Variants in GPC5 observed in about 807,000 individuals in gnomAD.
GPC5 encodes glypican 5.
In GPC5, 47 loss-of-function variants were observed where a neutral mutation model predicts 53.9. That is an observed-to-expected ratio of 0.87 (90% CI 0.69 to 1.11). The LOEUF is 1.11. Among genes scored for constraint, GPC5 ranks in the 50% most tolerant of loss-of-function variants. The probability of loss-of-function intolerance (pLI) is 0.00; values close to 1 mark genes in which losing one functional copy is unlikely to be tolerated. For missense variants in GPC5, 748 were observed against 713.1 expected (o/e 1.05, Z -0.56); for synonymous variants, 286 against 263.3 (o/e 1.09, Z -0.84).
At chr13:91,891,850 C>A (rs912433551) in intron 5 of GPC5, among the ~76,000 whole-genome samples, 2 of 151,950 alleles carry the variant, frequency 1.3e-5, no homozygotes, top group Non-Finnish European at 2.9e-5. Context: ...TAAAGTTATT[C>A]GAAACTTCCA....
chr13:92,008,505 C>T (rs1166500126), intron 6 of GPC5, among the ~76,000 whole-genome samples: 1 of 151,536 alleles, frequency 6.6e-6, no homozygotes, highest in Non-Finnish European at 1.5e-5. Flanking sequence ...TGTTTGTTGG[C>T]AGCACATTCT....
rs575318517 is a variant in GPC5, at chr13:91,829,976, T to C, written c.1280+73556T>C. Among the ~76,000 whole-genome samples the C allele has an allele frequency of 4.6e-5, 7 of 152,178 alleles. No individual in the cohort carries two copies. In the East Asian group the frequency reaches 9.7e-4, roughly 21 times the overall value. ...ATTGCTAATGAAGTTTCAGGCACCA[T>C]TGTCATTGATAACATCTTATCAGGA... is the stretch of plus-strand genomic sequence containing the variant. On this transcript the variant is annotated intron_variant, in intron 5 of 7. Coordinates refer to ENST00000377067, the MANE Select transcript of GPC5 (RefSeq NM_004466.6).
At chr13:91,962,342 A>G (rs1026732820) in intron 6 of GPC5, among the ~76,000 whole-genome samples, 25 of 152,302 alleles carry the variant, frequency 1.6e-4, no homozygotes, top group African/African-American at 3.6e-4. Flanking sequence ...CTCAATATCT[A>G]TTCTCTTCTT....
chr13:92,836,199 T>C (rs1878214676), intron 7 of GPC5, among the ~76,000 whole-genome samples: 1 of 152,076 alleles, frequency 6.6e-6, no homozygotes, highest in African/African-American at 2.4e-5. Flanking sequence ...TTATAGCTTA[T>C]TTTTTCTAGT....
chr13:92,801,373 C>G (rs1295595099), intron 7 of GPC5, among the ~76,000 whole-genome samples: 1 of 151,756 alleles, frequency 6.6e-6, no homozygotes, highest in East Asian at 1.9e-4. Flanking sequence ...CAGCACATTA[C>G]CCATGTGTTT....
At chr13:92,135,940 A>G (rs1047737671) in intron 6 of GPC5, among the ~76,000 whole-genome samples, 6 of 152,212 alleles carry the variant, frequency 3.9e-5, no homozygotes, top group African/African-American at 1.4e-4. Flanking sequence ...GATTTGTGGT[A>G]TTTGGGTTTA....
At chr13:92,281,830 A>C (rs895697223) in intron 7 of GPC5, among the ~76,000 whole-genome samples, 1 of 152,322 alleles carries the variant, frequency 6.6e-6, no homozygotes, top group Non-Finnish European at 1.5e-5. Context: ...AATTCTAAAA[A>C]TCAGACCACC....
intron 5 of GPC5, among the ~76,000 whole-genome samples, chr13:91,837,437 A>C (rs1339518780): frequency 6.6e-6 from 1 of 152,094 alleles, no homozygotes; most frequent in East Asian, 1.9e-4. Context: ...CTTCTTGTGC[A>C]TAAGTTACAG....
chr13:92,444,275 T>C (rs1208178679), intron 7 of GPC5, among the ~76,000 whole-genome samples: 5 of 152,178 alleles, frequency 3.3e-5, no homozygotes, highest in Admixed American at 2.6e-4. Flanking sequence ...GCACAGTTTG[T>C]GTCAGGAATA....
chr13:92,245,656 T>C (rs760741766), intron 7 of GPC5, among the ~76,000 whole-genome samples: 3 of 152,178 alleles, frequency 2.0e-5, no homozygotes, highest in Non-Finnish European at 4.4e-5. Flanking sequence ...TGTGTTTTTA[T>C]AGCTGTAGAG....
chr13:91,408,964 A>G lies in GPC5; in HGVS notation c.163+9755A>G, dbSNP rs373330745. The stretch of plus-strand genomic sequence containing the variant: ...AAATCTGAGAAGAGAATTGGTTAAA[A>G]AGCACACCAAGAGTGTGTCTTCATT... On this transcript the variant is annotated intron_variant, in intron 1 of 7. Transcript: ENST00000377067. Among the ~76,000 whole-genome samples, 76 of 152,312 alleles carry G rather than the reference A, an allele frequency of 5.0e-4. 1 individual carries two copies. The highest frequency in any genetic ancestry group is 3.4e-3 in the Middle Eastern group (1 of 292).
chr13:91,993,470 T>C (rs1269543825), intron 6 of GPC5, among the ~76,000 whole-genome samples: 1 of 152,122 alleles, frequency 6.6e-6, no homozygotes, highest in Non-Finnish European at 1.5e-5. Flanking sequence ...AAAAATTTTG[T>C]ATGAGCTCAC....
intron 7 of GPC5, among the ~76,000 whole-genome samples, chr13:92,299,368 A>G (rs1278457066): frequency 6.6e-6 from 1 of 152,196 alleles, no homozygotes; most frequent in Non-Finnish European, 1.5e-5. Context: ...TTGGTGGTTC[A>G]TTATCTATTC....
chr13:91,463,057 T>C (rs1005057583), intron 2 of GPC5, among the ~76,000 whole-genome samples: 4 of 152,078 alleles, frequency 2.6e-5, no homozygotes, highest in African/African-American at 9.7e-5. Context: ...ACCTTTGATA[T>C]CTGGCAGTGG....
At chr13:92,435,993 T>A (rs566425836) in intron 7 of GPC5, among the ~76,000 whole-genome samples, 1 of 152,166 alleles carries the variant, frequency 6.6e-6, no homozygotes, top group Non-Finnish European at 1.5e-5. Context: ...TTTTAATCAG[T>A]CTTTTGTCTT....
At chr13:91,407,894 A>G (rs555604318) in intron 1 of GPC5, among the ~76,000 whole-genome samples, 194 of 152,336 alleles carry the variant, frequency 1.3e-3, no homozygotes, top group Non-Finnish European at 1.7e-3. Context: ...AGAAATATTT[A>G]TCTAATCTTT....
At chr13:92,535,827 A>C (rs896399205) in intron 7 of GPC5, among the ~76,000 whole-genome samples, 1 of 152,128 alleles carries the variant, frequency 6.6e-6, no homozygotes, top group Admixed American at 6.6e-5. Context: ...GGAAACAACA[A>C]GGCATGGATG....
chr13:92,376,206 G>A (rs1594144617), intron 7 of GPC5, among the ~76,000 whole-genome samples: 1 of 152,266 alleles, frequency 6.6e-6, no homozygotes, highest in South Asian at 2.1e-4. Flanking sequence ...AGAATCTGGG[G>A]CTAAACTTTG....
intron 3 of GPC5, among the ~76,000 whole-genome samples, chr13:91,727,175 T>C (rs1415091626): frequency 6.6e-6 from 1 of 152,244 alleles, no homozygotes; most frequent in African/African-American, 2.4e-5. Context: ...TTTGTATCTC[T>C]AGCAATTAAC....
Sources: gnomAD v4.1 joint callset for allele counts (sites outside exome capture counted in the v4.1 genomes callset) on GRCh38, gnomAD v4.1.1 for gene constraint, MANE v1.5 for transcripts, NCBI Gene and HGNC (gene_info 2026-07-23, HGNC 2026-07-21) for gene names.